Variants in PPP1R12B observed in about 807,000 individuals in gnomAD.
The protein encoded by PPP1R12B is myosin phosphatase target subunit 2.
In PPP1R12B, 76 loss-of-function variants were observed where a neutral mutation model predicts 126.1. The ratio of observed to expected loss-of-function variants is 0.60; its 90% CI spans 0.50 to 0.73. The LOEUF is 0.73. PPP1R12B is among the 30% of genes least tolerant of loss of function. The pLI, the probability that PPP1R12B is intolerant of heterozygous loss-of-function variation, is 0.00. For missense variants in PPP1R12B, 1,052 were observed against 1,205.1 expected (o/e 0.87, Z 1.88); for synonymous variants, 356 against 434.7 (o/e 0.82, Z 2.25).
At chr1:202,532,156 A>T (rs1328970350) in intron 18 of PPP1R12B, among the ~76,000 whole-genome samples, 1 of 152,200 alleles carries the variant, frequency 6.6e-6, no homozygotes, top group Non-Finnish European at 1.5e-5. Context: ...TGATGTTGCC[A>T]TGACATTTGT....
intron 18 of PPP1R12B, among the ~76,000 whole-genome samples, chr1:202,542,433 C>T (rs1357971385): frequency 6.6e-6 from 1 of 152,162 alleles, no homozygotes; most frequent in Admixed American, 6.5e-5. Flanking sequence ...ATTAAAGCAC[C>T]AAGCTCTCTG....
chr1:202,377,677 G>C (rs1378525179), intron 1 of PPP1R12B, among the ~76,000 whole-genome samples: 2 of 152,074 alleles, frequency 1.3e-5, no homozygotes, highest in African/African-American at 4.8e-5. Flanking sequence ...GGAGGGATGA[G>C]TTAAGATGTA....
chr1:202,396,559 T>A (rs554086660), intron 1 of PPP1R12B, among the ~76,000 whole-genome samples: 2 of 152,298 alleles, frequency 1.3e-5, no homozygotes, highest in African/African-American at 4.8e-5. Context: ...ACTACTGTGA[T>A]TACTACTACT....
At chr1:202,433,032 T>C (rs1452829450) in intron 8 of PPP1R12B, among the ~76,000 whole-genome samples, 2 of 152,240 alleles carry the variant, frequency 1.3e-5, no homozygotes, top group African/African-American at 4.8e-5. Flanking sequence ...CCATCAGTTC[T>C]ATAGAGAAGA....
chr1:202,533,250 G>A (rs1684160848), intron 18 of PPP1R12B, among the ~76,000 whole-genome samples: 1 of 151,860 alleles, frequency 6.6e-6, no homozygotes, highest in Non-Finnish European at 1.5e-5. Flanking sequence ...TCTCTAGTTA[G>A]ACTTTCCTTG....
intron 1 of PPP1R12B, among the ~76,000 whole-genome samples, chr1:202,388,240 GT>G (rs1663492207): frequency 6.6e-6 from 1 of 152,152 alleles, no homozygotes; most frequent in African/African-American, 2.4e-5. Context: ...CTGAAGGGCA[GT>G]GGCACAATCT....
chr1:202,445,466 G>A (rs570469368), intron 12 of PPP1R12B, among the ~76,000 whole-genome samples: 93 of 152,308 alleles, frequency 6.1e-4, no homozygotes, highest in African/African-American at 2.1e-3. Context: ...TCAGCTTAAT[G>A]TGACTGATTT....
At chr1:202,488,743 G>C in intron 14 of PPP1R12B, 120 bp downstream of exon 14, 1 of 881,470 alleles carries the variant, frequency 1.1e-6, no homozygotes. Flanking sequence ...ACACACACAC[G>C]CTCACGGCTT....
At chr1:202,463,281 A>G (rs184066622) in intron 13 of PPP1R12B, among the ~76,000 whole-genome samples, 1 of 152,198 alleles carries the variant, frequency 6.6e-6, no homozygotes, top group African/African-American at 2.4e-5. Flanking sequence ...GAATTTAAAC[A>G]TGTGCACTGA....
chr1:202,425,444 A>G, intron 3 of PPP1R12B, 122 bp from the exon 4 acceptor site: 2 of 1,109,886 alleles, frequency 1.8e-6, no homozygotes, highest in Non-Finnish European at 2.6e-6. Flanking sequence ...TAATTACCCA[A>G]CTTGATGGCT....
At chr1:202,424,286 A>G (rs1479273854) in intron 3 of PPP1R12B, among the ~76,000 whole-genome samples, 2 of 151,576 alleles carry the variant, frequency 1.3e-5, no homozygotes, top group Non-Finnish European at 2.9e-5. Context: ...CCATCTCCCA[A>G]AATCACACAG....
chr1:202,566,114 G>T (rs1415440411), intron 21 of PPP1R12B, among the ~76,000 whole-genome samples: 1 of 152,212 alleles, frequency 6.6e-6, no homozygotes, highest in African/African-American at 2.4e-5. Flanking sequence ...ACTCTTCTCA[G>T]CGGAAGCTTC....
chr1:202,363,789 C>G (rs1204083762), intron 1 of PPP1R12B, among the ~76,000 whole-genome samples: 1 of 152,164 alleles, frequency 6.6e-6, no homozygotes, highest in Non-Finnish European at 1.5e-5. Context: ...GAGACAGAGT[C>G]TCCTGTTTGT....
chr1:202,563,920 T>C (rs1687793491), intron 20 of PPP1R12B, among the ~76,000 whole-genome samples: 1 of 151,936 alleles, frequency 6.6e-6, no homozygotes, highest in Non-Finnish European at 1.5e-5. Flanking sequence ...AATTGAAAAA[T>C]TAGCTGGGCA....
At chr1:202,362,855 A>G (rs1326258663) in intron 1 of PPP1R12B, among the ~76,000 whole-genome samples, 1 of 151,972 alleles carries the variant, frequency 6.6e-6, no homozygotes, top group Non-Finnish European at 1.5e-5. Context: ...TATGTTTGAG[A>G]CAGAGTTTCC....
Position 202,373,021 on chromosome 1 carries a change from G to A in PPP1R12B, c.291+23879G>A, listed in dbSNP as rs575166563. Among the ~76,000 whole-genome samples, 6 of 151,744 alleles carry A rather than the reference G, an allele frequency of 4.0e-5. No homozygotes were observed. The South Asian group carries it at 6.2e-4, about 16-fold the overall frequency. On this transcript the variant is annotated intron_variant, in intron 1 of 23. Coordinates refer to ENST00000608999, the MANE Select transcript of PPP1R12B (RefSeq NM_002481.4). ...ACTATCTTGGCTCGCAGCAACCTTCGCCTCCCTGGTTCAAGTGATTCTCAT... is the reference window on the plus strand; with the variant it reads ...ACTATCTTGGCTCGCAGCAACCTTCACCTCCCTGGTTCAAGTGATTCTCAT...
chr1:202,474,056 T>C (rs1358258263), intron 13 of PPP1R12B: 15 of 478,818 alleles, frequency 3.1e-5, no homozygotes, highest in South Asian at 1.8e-4. Flanking sequence ...AATGCTGCAG[T>C]TGGGAAAAAG....
intron 13 of PPP1R12B, among the ~76,000 whole-genome samples, chr1:202,454,424 A>G (rs1470483466): frequency 6.6e-6 from 1 of 152,248 alleles, no homozygotes; most frequent in Admixed American, 6.5e-5. Flanking sequence ...GCATTCATTC[A>G]TCTTCAAAAT....
intron 18 of PPP1R12B, among the ~76,000 whole-genome samples, chr1:202,535,880 G>C (rs1191636186): frequency 6.6e-6 from 1 of 152,188 alleles, no homozygotes; most frequent in Non-Finnish European, 1.5e-5. Context: ...AAAAAGACAA[G>C]TGAAGAAAGA....
Sources: gnomAD v4.1 joint callset for allele counts (sites outside exome capture counted in the v4.1 genomes callset) on GRCh38, gnomAD v4.1.1 for gene constraint, MANE v1.5 for transcripts, NCBI Gene and HGNC (gene_info 2026-07-23, HGNC 2026-07-21) for gene names.